Variants in PPFIA2 observed in about 807,000 individuals in gnomAD.
The protein encoded by PPFIA2 is PPFI scaffold protein A2, also known as liprin-alpha-2.
Under a neutral mutation model 175.5 loss-of-function variants are expected in PPFIA2, and 46 were observed. That is an observed-to-expected ratio of 0.26 (90% CI 0.21 to 0.34). The LOEUF (loss-of-function observed/expected upper bound fraction) is 0.34, where lower values mean the gene tolerates loss of function less well. PPFIA2 is among the 10% of genes least tolerant of loss of function. The pLI is 1.00. For synonymous variants in PPFIA2, 568 were observed against 511.4 expected (o/e 1.11, Z -1.49); for missense variants, 1,179 against 1,506.1 (o/e 0.78, Z 3.60).
At chr12:81,730,448 A>G (rs1046472449) in intron 3 of PPFIA2, among the ~76,000 whole-genome samples, 1 of 151,584 alleles carries the variant, frequency 6.6e-6, no homozygotes, top group Non-Finnish European at 1.5e-5. Flanking sequence ...GGCAGGACAG[A>G]GTGAGGGCAA....
intron 4 of PPFIA2, among the ~76,000 whole-genome samples, chr12:81,604,252 A>C (rs1045474280): frequency 6.6e-6 from 1 of 151,734 alleles, no homozygotes; most frequent in Non-Finnish European, 1.5e-5. Flanking sequence ...ATGAAATGGC[A>C]TGGAAATGGT....
chr12:81,516,852 TATGTTAA>T (rs1321791076), intron 4 of PPFIA2, among the ~76,000 whole-genome samples: 39 of 152,200 alleles, frequency 2.6e-4, no homozygotes, highest in Admixed American at 2.4e-3. Flanking sequence ...TGCCCATTCT[TATGTTAA>T]CTTTTTTGGA....
intron 24 of PPFIA2, among the ~76,000 whole-genome samples, chr12:81,287,080 C>T (rs2043634295): frequency 6.6e-6 from 1 of 151,874 alleles, no homozygotes; most frequent in African/African-American, 2.4e-5. Flanking sequence ...ATTCCCTTTA[C>T]ACTGAGTTAT....
intron 3 of PPFIA2, among the ~76,000 whole-genome samples, chr12:81,677,466 A>C (rs539565107): frequency 6.6e-6 from 1 of 152,086 alleles, no homozygotes; most frequent in South Asian, 2.1e-4. Context: ...TGTAGATAAA[A>C]ATATTAACCA....
At chr12:81,383,911 G>A in intron 9 of PPFIA2, 112 bp downstream of exon 9, 2 of 817,390 alleles carry the variant, frequency 2.4e-6, no homozygotes, top group Non-Finnish European at 3.8e-6. Context: ...GCATGCCAAA[G>A]TATGGTCTTT....
intron 3 of PPFIA2, among the ~76,000 whole-genome samples, chr12:81,695,805 T>C (rs2075830719): frequency 6.6e-6 from 1 of 152,190 alleles, no homozygotes; most frequent in Non-Finnish European, 1.5e-5. Flanking sequence ...TTTTGGCTTC[T>C]TCTGAATGTT....
intron 24 of PPFIA2, among the ~76,000 whole-genome samples, chr12:81,285,256 A>C (rs1380492581): frequency 6.6e-6 from 1 of 152,094 alleles, no homozygotes; most frequent in Admixed American, 6.6e-5. Context: ...TGAACATTGC[A>C]AGGTTTTCCA....
At chr12:81,595,230 C>A (rs1483951434) in intron 4 of PPFIA2, among the ~76,000 whole-genome samples, 1 of 145,668 alleles carries the variant, frequency 6.9e-6, no homozygotes, top group Non-Finnish European at 1.5e-5. Context: ...ACAAAATTCA[C>A]TGTGTTTATA....
intron 1 of PPFIA2, among the ~76,000 whole-genome samples, chr12:81,759,063 T>A (rs2085119181): frequency 6.6e-6 from 1 of 152,048 alleles, no homozygotes; most frequent in Admixed American, 6.5e-5. Context: ...ACAGGTCTCC[T>A]CCTGGCCCCC....
At chr12:81,596,459 T>C (rs1188853238) in intron 4 of PPFIA2, among the ~76,000 whole-genome samples, 2 of 152,116 alleles carry the variant, frequency 1.3e-5, no homozygotes, top group Admixed American at 6.6e-5. Flanking sequence ...TCTTAATTCC[T>C]ACGGTTTTTA....
intron 16 of PPFIA2, among the ~76,000 whole-genome samples, chr12:81,355,818 T>A (rs1478807575): frequency 6.6e-6 from 1 of 152,204 alleles, no homozygotes; most frequent in Non-Finnish European, 1.5e-5. Flanking sequence ...CTCTGGGTTA[T>A]GCTTTGGTTT....
chr12:81,590,445 C>T (rs1466976830), intron 4 of PPFIA2, among the ~76,000 whole-genome samples: 1 of 152,028 alleles, frequency 6.6e-6, no homozygotes, highest in African/African-American at 2.4e-5. Context: ...ATACTAATTA[C>T]CATTAGTATC....
chr12:81,661,772 G>A (rs1224721705), intron 4 of PPFIA2, among the ~76,000 whole-genome samples: 3 of 152,078 alleles, frequency 2.0e-5, no homozygotes, highest in Non-Finnish European at 4.4e-5. Context: ...CACCGCACTT[G>A]TTCCAAAATT....
rs543378540 is a variant in PPFIA2, at chr12:81,402,702, AAATTAG to A, written c.762+3079_762+3084del. Among the ~76,000 whole-genome samples, 953 of 152,212 alleles carry A rather than the reference AAATTAG, an allele frequency of 6.3e-3. 3 individuals are homozygous for A. Among genetic ancestry groups the A allele is most frequent in the Middle Eastern group, 0.01 (3 of 294 alleles). ...AACTCTGTCTCTACAAAAATTACCA[AAATTAG>A]CCAGGCAGGGTGGCTCACGCCAGTA... On this transcript the variant is annotated intron_variant, in intron 8 of 32. Coordinates refer to ENST00000549396, the MANE Select transcript of PPFIA2 (RefSeq NM_003625.5).
At chr12:81,730,114 G>A (rs747709933) in intron 3 of PPFIA2, among the ~76,000 whole-genome samples, 1 of 151,594 alleles carries the variant, frequency 6.6e-6, no homozygotes, top group Non-Finnish European at 1.5e-5. Context: ...TTGTGATCAC[G>A]TGTTACAGCA....
intron 4 of PPFIA2, among the ~76,000 whole-genome samples, chr12:81,494,530 G>T (rs1479775457): frequency 6.6e-6 from 1 of 151,806 alleles, no homozygotes; most frequent in African/African-American, 2.4e-5. Context: ...GTGGAAGTCA[G>T]TGTGGCGATT....
rs1202524380 is a variant in PPFIA2 at position 81,721,093 on chromosome 12, G to T, written c.249+32880C>A. Among the ~76,000 whole-genome samples the T allele has an allele frequency of 4.7e-5, 7 of 150,324 alleles. No homozygotes were observed. In the East Asian group the frequency reaches 1.2e-3, roughly 25 times the overall value. On this transcript the variant is annotated intron_variant, in intron 3 of 32. Coordinates refer to ENST00000549396, the MANE Select transcript of PPFIA2 (RefSeq NM_003625.5). ...GTCCTAGCTAAAAAAAAAAAAAAAGGTGGCCGTTTTTATTGCCTAGCTGCA... is the reference window on the plus strand; with the variant it reads ...GTCCTAGCTAAAAAAAAAAAAAAAGTTGGCCGTTTTTATTGCCTAGCTGCA...
chr12:81,597,711 A>T (rs116821786), intron 4 of PPFIA2, among the ~76,000 whole-genome samples: 2,090 of 147,166 alleles, frequency 0.014, 42 homozygotes, highest in African/African-American at 0.05. Context: ...ACTGTAGCAG[A>T]TTTAAAAATT....
rs568588545 is a variant in PPFIA2 at position 81,268,105 on chromosome 12, T to G, written c.3311-18A>C. 290 of 1,468,116 alleles carry G rather than the reference T, an allele frequency of 2.0e-4. No individual in the cohort carries two copies. The highest frequency in any genetic ancestry group is 2.6e-4 in the Non-Finnish European group (282 of 1,072,456). The allele number at this position is 1,468,116 out of a possible 1,614,324, so 90.9% of individuals were successfully genotyped here. A position where few individuals can be genotyped will look rare whatever the true frequency, so the allele number is the denominator to read the frequency against. On this transcript the variant is annotated intron_variant, in intron 28 of 32. Coordinates refer to ENST00000549396, the MANE Select transcript of PPFIA2 (RefSeq NM_003625.5). ...CAACACGTCTAGGAAAAGAGATGCA[T>G]CATTTTAGGATGCATTATTTTTCTT...
Sources: allele counts gnomAD v4.1 joint callset (sites outside exome capture counted in the v4.1 genomes callset), GRCh38; gene constraint gnomAD v4.1.1; transcripts MANE v1.5; gene names NCBI Gene and HGNC (gene_info 2026-07-23, HGNC 2026-07-21).